Variants in SERPINB12 observed in about 807,000 individuals in gnomAD.
The protein encoded by SERPINB12 is serpin family B member 12.
SERPINB12 carries 57 observed loss-of-function variants against 41.1 expected under a neutral mutation model. The ratio of observed to expected loss-of-function variants is 1.39; its 90% CI spans 1.12 to 1.73. The LOEUF is 1.73. SERPINB12 is among the 40% of genes most tolerant of loss of function. The pLI, the probability that SERPINB12 is intolerant of heterozygous loss-of-function variation, is 0.00. For missense variants in SERPINB12, 536 were observed against 501.9 expected (o/e 1.07, Z -0.65); for synonymous variants, 180 against 181.3 (o/e 0.99, Z 0.06).
chr18:63,566,645 G>T lies in SERPINB12; in HGVS notation c.912G>T (p.Trp304Cys). The stretch of plus-strand genomic sequence containing the variant: ...TCACCTATGAAAAAATGGTGGCCTG[G>T]AGCAGCTCAGAAAACATGTCAGAAG... Reference protein sequence around the residue: ...RKITYEKMVAWSSSENMSEES... With the variant: ...RKITYEKMVACSSSENMSEES... The change falls in exon 8 of 8, where the codon TGG (tryptophan) becomes TGT (cysteine). Residue 304 changes from tryptophan (W) to cysteine (C), a missense_variant. Physicochemically the swap from Trp to Cys is radical, Grantham distance 215. Coordinates refer to ENST00000382768, the MANE Select transcript of SERPINB12 (RefSeq NM_001307928.2). 1 of 1,613,016 alleles carries T rather than the reference G, an allele frequency of 6.2e-7. No homozygotes were observed. The highest frequency in any genetic ancestry group is 8.5e-7 in the Non-Finnish European group (1 of 1,179,830).
the SERPINB12 span, among the ~76,000 whole-genome samples, chr18:63,531,938 C>T: frequency 2.0e-4 from 31 of 152,190 alleles, no homozygotes; most frequent in South Asian, 6.2e-4. Context: ...CTGTTACTTC[C>T]CATAATAAGG....
chr18:63,524,222 C>T, the SERPINB12 span, among the ~76,000 whole-genome samples: 45 of 152,098 alleles, frequency 3.0e-4, no homozygotes, highest in African/African-American at 1.1e-3. Context: ...TATTAATGCT[C>T]GATTTTTGGA....
At chr18:63,549,672 A>T (rs1910475680) in intron 1 of SERPINB12, among the ~76,000 whole-genome samples, 1 of 152,192 alleles carries the variant, frequency 6.6e-6, no homozygotes, top group South Asian at 2.1e-4. Context: ...TCTTTGGAGG[A>T]CAAACTGGAG....
At chr18:63,558,547 T>C (rs1425974408) in intron 3 of SERPINB12, 61 bp downstream of exon 3, 2 of 1,530,088 alleles carry the variant, frequency 1.3e-6, no homozygotes, top group East Asian at 4.7e-5. Flanking sequence ...ATTCTGGCTG[T>C]AGGATATTTG....
chr18:63,532,967 C>T, the SERPINB12 span, among the ~76,000 whole-genome samples: 156 of 152,034 alleles, frequency 1.0e-3, no homozygotes, highest in Middle Eastern at 3.4e-3. Context: ...CTAGTAAGTA[C>T]TCCTTTCATG....
At chr18:63,524,341 G>A in the SERPINB12 span, among the ~76,000 whole-genome samples, 1 of 152,068 alleles carries the variant, frequency 6.6e-6, no homozygotes, top group Non-Finnish European at 1.5e-5. Flanking sequence ...CCAGGCTGGA[G>A]TGCAGTGGCA....
Position 63,566,996 on chromosome 18 carries a change from G to A in SERPINB12, c.1263G>A (p.Arg421=), listed in dbSNP as rs1272719531. The change falls in exon 8 of 8, where the codon AGG becomes AGA. Residue 421 remains arginine (R), a synonymous_variant. Transcript: ENST00000382768. The stretch of plus-strand genomic sequence containing the variant: ...CCCAAACCATTCTCTTTTATGGCAG[G>A]GTCTGCTCTCCTTAAAAGGGGAGCA... ...NKTQTILFYG[R]VCSP 3.1e-6 allele frequency: 5 copies of A among 1,590,722 alleles called. No homozygotes were observed. Among genetic ancestry groups the A allele is most frequent in the Non-Finnish European group, 4.3e-6 (5 of 1,170,920 alleles).
upstream of SERPINB12, among the ~76,000 whole-genome samples, chr18:63,538,764 C>A (rs1910219834): frequency 6.6e-6 from 1 of 152,100 alleles, no homozygotes; most frequent in Admixed American, 6.6e-5. Context: ...TCAGGAACTG[C>A]CAGACTGTTT....
intron 2 of SERPINB12, among the ~76,000 whole-genome samples, chr18:63,557,728 A>C (rs886726045): frequency 2.0e-5 from 3 of 152,202 alleles, no homozygotes; most frequent in Non-Finnish European, 4.4e-5. Flanking sequence ...AGTGCAGGAT[A>C]TGACGCCTGT....
chr18:63,542,643 A>T (rs8099252), intron 1 of SERPINB12, among the ~76,000 whole-genome samples, 151 bp downstream of exon 1: 7,622 of 152,128 alleles, frequency 0.05, 630 homozygotes, highest in African/African-American at 0.17. Context: ...TTTCTTTTTT[A>T]AAAACTTTTA....
chr18:63,539,516 T>G (rs1292587514), upstream of SERPINB12, among the ~76,000 whole-genome samples: 1 of 152,028 alleles, frequency 6.6e-6, no homozygotes, highest in Non-Finnish European at 1.5e-5. Context: ...GTTTCTTGGG[T>G]CTCGGTCAAG....
intron 1 of SERPINB12, among the ~76,000 whole-genome samples, chr18:63,550,283 CTTCTTTGTGTGGTGGATATT>C (rs1910490924): frequency 1.3e-5 from 2 of 152,282 alleles, no homozygotes; most frequent in South Asian, 4.1e-4. Context: ...CAAACAATAA[CTTCTTTGTGTGGTGGATATT>C]TTCCAGAGTA....
In SERPINB12 at chr18:63,566,930, T is replaced by G. The variant is rs1911127867; in HGVS notation, c.1197T>G (p.Asn399Lys). Residue 399 changes from asparagine to lysine, a missense_variant, in exon 8 of 8, where the codon AAT becomes AAG. By Grantham distance (94) the Asn-to-Lys change is moderately conservative (BLOSUM62 0). Coordinates refer to ENST00000382768, the MANE Select transcript of SERPINB12 (RefSeq NM_001307928.2). ...CACTACGATCTTGGGTGGAGTTTAA[T>G]GCCAACCACCCTTTTCTCTTTTTCA... ...ERSLRSWVEF[N>K]ANHPFLFFIR... The G allele has an allele frequency of 1.2e-6, 2 of 1,613,972 alleles. No individual in the cohort carries two copies. The highest frequency in any genetic ancestry group is 1.7e-6 in the Non-Finnish European group (2 of 1,179,998).
At position 63,566,683 on chromosome 18, in the gene SERPINB12, T is replaced by C. The variant is rs180922662; in HGVS notation, c.950T>C (p.Leu317Pro). 4.3e-6 allele frequency: 7 copies of C among 1,614,096 alleles called. No homozygotes were observed. The East Asian group carries it at 8.9e-5, about 21-fold the overall frequency. ...AACATGTCAGAAGAATCGGTGGTCC[T>C]GTCCTTCCCCCGGTTCACCCTGGAA... ...SENMSEESVV[L>P]SFPRFTLEDS... is the part of the protein sequence containing the mutation. The change falls in exon 8 of 8, where the codon CTG (leucine) becomes CCG (proline). Residue 317 changes from leucine to proline, a missense_variant. Transcript: ENST00000382768.
upstream of SERPINB12, among the ~76,000 whole-genome samples, chr18:63,538,186 A>G (rs1411033810): frequency 6.6e-6 from 1 of 152,166 alleles, no homozygotes; most frequent in Non-Finnish European, 1.5e-5. Flanking sequence ...CTAGAAAACT[A>G]CTTTATTAAA....
chr18:63,536,855 A>C, the SERPINB12 span, among the ~76,000 whole-genome samples: 326 of 152,286 alleles, frequency 2.1e-3, 1 homozygote, highest in African/African-American at 7.6e-3. Context: ...TAAACTAATT[A>C]GATGGTAAGA....
At chr18:63,554,843 G>A (rs1196899269) in intron 1 of SERPINB12, among the ~76,000 whole-genome samples, 1 of 152,202 alleles carries the variant, frequency 6.6e-6, no homozygotes, top group African/African-American at 2.4e-5. Flanking sequence ...TGTTGAGGGA[G>A]AGACCTGGTG....
intron 1 of SERPINB12, among the ~76,000 whole-genome samples, chr18:63,553,068 G>A (rs1386958693): frequency 1.3e-5 from 2 of 152,152 alleles, no homozygotes; most frequent in African/African-American, 4.8e-5. Flanking sequence ...TGTAATGAAA[G>A]CTTAGAACCA....
At chr18:63,564,232 T>C (rs1352618912) in intron 6 of SERPINB12, 112 bp downstream of exon 6, 4 of 1,179,130 alleles carry the variant, frequency 3.4e-6, no homozygotes, top group East Asian at 2.4e-5. Flanking sequence ...AATAAGAACA[T>C]TTTTCGTTGA....
Sources: allele counts gnomAD v4.1 joint callset (sites outside exome capture counted in the v4.1 genomes callset), GRCh38; gene constraint gnomAD v4.1.1; transcripts MANE v1.5; gene names NCBI Gene and HGNC (gene_info 2026-07-23, HGNC 2026-07-21).